The following IGSF21 variants were observed in gnomAD, a reference collection of about 807,000 sequenced individuals.
The protein encoded by IGSF21 is immunoglobulin superfamily member 21.
IGSF21 carries 28 observed loss-of-function variants against 46.8 expected under a neutral mutation model. That is an observed-to-expected ratio of 0.60 (90% CI 0.44 to 0.82). The LOEUF (loss-of-function observed/expected upper bound fraction) is 0.82, where lower values mean the gene tolerates loss of function less well. Among genes scored for constraint, IGSF21 ranks in the 40% least tolerant of loss-of-function variants. The pLI is 0.00. For synonymous variants in IGSF21, 284 were observed against 273.6 expected (o/e 1.04, Z -0.38); for missense variants, 624 against 665.5 (o/e 0.94, Z 0.69).
At chr1:18,377,362 C>T in intron 8 of IGSF21, 31 bp from the exon 9 acceptor site, 7 of 1,606,768 alleles carry the variant, frequency 4.4e-6, no homozygotes, top group Non-Finnish European at 6.0e-6. Flanking sequence ...GCCATCCACC[C>T]TTTGGTTCTC....
chr1:18,228,457 G>A (rs777874356), intron 2 of IGSF21, among the ~76,000 whole-genome samples: 6 of 152,202 alleles, frequency 3.9e-5, no homozygotes, highest in African/African-American at 7.2e-5. Flanking sequence ...ATCTGACTAC[G>A]TATAGGACTA....
In IGSF21 at chr1:18,291,837, C is replaced by A; in HGVS notation, c.184-29C>A. On this transcript the variant is annotated intron_variant, in intron 2 of 9. Transcript: ENST00000251296. ...GTGACCAGGGCCGGTTGAGCACTCA[C>A]GTGTGGCTATCTCTGTGCTCTGTGG... 3 of 1,611,174 alleles carry A rather than the reference C, an allele frequency of 1.9e-6. No individual in the cohort carries two copies. In the East Asian group the frequency reaches 6.7e-5, roughly 36 times the overall value.
intron 1 of IGSF21, among the ~76,000 whole-genome samples, chr1:18,143,547 C>T (rs1007339528): frequency 1.3e-5 from 2 of 152,154 alleles, no homozygotes; most frequent in Non-Finnish European, 2.9e-5. Context: ...TGTCCAGCTC[C>T]CCACACCACA....
intron 1 of IGSF21, among the ~76,000 whole-genome samples, chr1:18,134,829 G>A (rs564898913): frequency 2.2e-4 from 33 of 152,336 alleles, no homozygotes; most frequent in African/African-American, 7.5e-4. Context: ...TCAGACCGGG[G>A]CCTCAGTCAG....
intron 1 of IGSF21, chr1:18,115,819 C>CAGGA (rs71575874): frequency 0.043 from 4,478 of 103,516 alleles, 373 homozygotes; most frequent in Non-Finnish European, 0.047. Context: ...GGGAGGAAGA[C>CAGGA]AGGAAGGAAG....
At chr1:18,162,884 G>A (rs186057050) in intron 1 of IGSF21, among the ~76,000 whole-genome samples, 59 of 152,330 alleles carry the variant, frequency 3.9e-4, no homozygotes, top group African/African-American at 1.4e-3. Flanking sequence ...ATGATGGTAA[G>A]TGAGGTCCAG....
rs569415298 is a variant in IGSF21 at position 18,297,030 on chromosome 1, C to T, written c.305+5043C>T. 4.6e-5 allele frequency among the ~76,000 whole-genome samples: 7 copies of T among 152,316 alleles called. No homozygotes were observed. In the South Asian group the frequency reaches 1.5e-3, roughly 32 times the overall value. On this transcript the variant is annotated intron_variant, in intron 3 of 9. Coordinates refer to ENST00000251296, the MANE Select transcript of IGSF21 (RefSeq NM_032880.5). ...AAGGTCCTACTTGTCCTTTCAAGTT[C>T]AGCTTAAAGGTTGCTTCCTACAGGA...
chr1:18,127,963 A>G (rs1239099566), intron 1 of IGSF21, among the ~76,000 whole-genome samples: 3 of 152,160 alleles, frequency 2.0e-5, no homozygotes, highest in East Asian at 3.9e-4. Context: ...TCTGACATCC[A>G]TAACTATTTA....
At chr1:18,314,326 A>G (rs913651166) in intron 3 of IGSF21, among the ~76,000 whole-genome samples, 1 of 151,160 alleles carries the variant, frequency 6.6e-6, no homozygotes, top group Non-Finnish European at 1.5e-5. Flanking sequence ...AGTCTGTCTC[A>G]GGACTCTTTC....
chr1:18,353,621 G>C (rs1249941190), intron 4 of IGSF21, among the ~76,000 whole-genome samples: 2 of 152,186 alleles, frequency 1.3e-5, no homozygotes, highest in East Asian at 3.9e-4. Flanking sequence ...GCTTAGCTTA[G>C]ATTGAGGGGT....
chr1:18,134,021 G>C (rs1394339975), intron 1 of IGSF21, among the ~76,000 whole-genome samples: 1 of 152,198 alleles, frequency 6.6e-6, no homozygotes, highest in Non-Finnish European at 1.5e-5. Context: ...GCCAGGCTTT[G>C]GAGACAGCAG....
intron 1 of IGSF21, among the ~76,000 whole-genome samples, chr1:18,148,869 ATTGT>A (rs2086494824): frequency 6.6e-6 from 1 of 152,212 alleles, no homozygotes; most frequent in South Asian, 2.1e-4. Flanking sequence ...AATGAGTGAG[ATTGT>A]TTGTAGTCAA....
chr1:18,187,058 T>C (rs369084847), intron 1 of IGSF21, among the ~76,000 whole-genome samples: 3 of 152,184 alleles, frequency 2.0e-5, no homozygotes, highest in Admixed American at 2.0e-4. Context: ...TACTGTAAAC[T>C]GCGTGGCTTC....
At chr1:18,220,458 C>A (rs2084498678) in intron 1 of IGSF21, among the ~76,000 whole-genome samples, 1 of 152,082 alleles carries the variant, frequency 6.6e-6, no homozygotes, top group African/African-American at 2.4e-5. Flanking sequence ...TCTGTGAGGG[C>A]CCTCCTGGGA....
At chr1:18,134,486 C>T (rs981553575) in intron 1 of IGSF21, among the ~76,000 whole-genome samples, 2 of 152,200 alleles carry the variant, frequency 1.3e-5, no homozygotes, top group Non-Finnish European at 2.9e-5. Context: ...GGGTTAATTA[C>T]TCGCAGGCAC....
In IGSF21 at chr1:18,290,455, G is replaced by T. The variant is rs887449742; in HGVS notation, c.184-1411G>T. Among the ~76,000 whole-genome samples, 1 of 152,128 alleles carries T rather than the reference G, an allele frequency of 6.6e-6. No individual in the cohort carries two copies. Among genetic ancestry groups the T allele is most frequent in the Non-Finnish European group, 1.5e-5 (1 of 68,004 alleles). ...TCTCAGGGTCCCAGAGCCTGCGAAG[G>T]CCTTCTCATGATTCTAACCATCCCC... On this transcript the variant is annotated intron_variant, in intron 2 of 9. Transcript: ENST00000251296. The surrounding 1 kb of genome is among the most constrained non-coding windows in gnomAD (Gnocchi z 4.2).
At chr1:18,241,662 G>A (rs374328323) in intron 2 of IGSF21, among the ~76,000 whole-genome samples, 246 of 152,258 alleles carry the variant, frequency 1.6e-3, no homozygotes, top group Non-Finnish European at 2.9e-3. Flanking sequence ...GGAGCCTGTG[G>A]CAGGTAAGAC....
chr1:18,246,364 C>T (rs545411364), intron 2 of IGSF21, among the ~76,000 whole-genome samples: 2 of 152,172 alleles, frequency 1.3e-5, no homozygotes, highest in African/African-American at 4.8e-5. Flanking sequence ...CTAATTACTC[C>T]GTCTCATCAC....
intron 3 of IGSF21, among the ~76,000 whole-genome samples, chr1:18,332,407 A>T (rs2085722671): frequency 6.6e-6 from 1 of 152,096 alleles, no homozygotes; most frequent in Non-Finnish European, 1.5e-5. Context: ...TTTATAACCA[A>T]CACCTATGAG....
Sources: allele counts gnomAD v4.1 joint callset (sites outside exome capture counted in the v4.1 genomes callset), GRCh38; gene constraint gnomAD v4.1.1; non-coding constraint Gnocchi (gnomAD v3.1); transcripts MANE v1.5; gene names NCBI Gene and HGNC (gene_info 2026-07-23, HGNC 2026-07-21).